Variants in THSD4 observed in about 807,000 individuals in gnomAD.
THSD4 encodes thrombospondin type-1 domain-containing protein 4.
Under a neutral mutation model 119.0 loss-of-function variants are expected in THSD4, and 69 were observed. The ratio of observed to expected loss-of-function variants is 0.58; its 90% CI spans 0.48 to 0.71. THSD4 has a LOEUF of 0.71. Ranked by LOEUF, THSD4 falls within the 30% of genes least tolerant of loss-of-function variation. The pLI is 0.00. For synonymous variants in THSD4, 524 were observed against 540.4 expected (o/e 0.97, Z 0.42); for missense variants, 1,393 against 1,391.1 (o/e 1.00, Z -0.02).
intron 6 of THSD4, among the ~76,000 whole-genome samples, chr15:71,276,073 A>G (rs1201136300): frequency 1.3e-5 from 2 of 152,164 alleles, no homozygotes; most frequent in Non-Finnish European, 2.9e-5. Context: ...CTGTGAGAAC[A>G]CTCCATGAAT....
At chr15:71,713,071 G>C (rs1216541530) in intron 8 of THSD4, among the ~76,000 whole-genome samples, 6 of 152,188 alleles carry the variant, frequency 3.9e-5, no homozygotes, top group African/African-American at 1.4e-4. Context: ...GGTAGCCCAG[G>C]CTCCTCAAGC....
intron 6 of THSD4, among the ~76,000 whole-genome samples, chr15:71,265,764 G>C (rs952353037): frequency 1.3e-5 from 2 of 152,142 alleles, no homozygotes; most frequent in Non-Finnish European, 2.9e-5. Context: ...CTTGAGCTTT[G>C]TGGGGGGGGA....
intron 8 of THSD4, among the ~76,000 whole-genome samples, chr15:71,722,970 C>T (rs2052750784): frequency 6.6e-6 from 1 of 152,078 alleles, no homozygotes; most frequent in Non-Finnish European, 1.5e-5. Context: ...CCACACACAC[C>T]GACCTAGCTC....
chr15:71,508,182 A>C (rs1369797448), intron 7 of THSD4, among the ~76,000 whole-genome samples: 2 of 152,152 alleles, frequency 1.3e-5, no homozygotes, highest in Non-Finnish European at 2.9e-5. Flanking sequence ...AGGAGTTTGC[A>C]CCAGAGCCCA....
intron 5 of THSD4, among the ~76,000 whole-genome samples, chr15:71,254,516 T>G (rs1049474282): frequency 6.6e-6 from 1 of 152,204 alleles, no homozygotes; most frequent in African/African-American, 2.4e-5. Flanking sequence ...CATATATTCC[T>G]GGGCTCTCAT....
intron 3 of THSD4, among the ~76,000 whole-genome samples, chr15:71,195,860 CAT>C (rs2043714966): frequency 6.6e-6 from 1 of 152,170 alleles, no homozygotes. Flanking sequence ...TGATATCTGT[CAT>C]ATTCAATAAC....
At chr15:71,151,296 A>G (rs1243445638) in intron 2 of THSD4, among the ~76,000 whole-genome samples, 1 of 152,126 alleles carries the variant, frequency 6.6e-6, no homozygotes, top group Non-Finnish European at 1.5e-5. Flanking sequence ...TGATTATCCA[A>G]AACTGCTCCT....
intron 7 of THSD4, among the ~76,000 whole-genome samples, chr15:71,529,361 T>C (rs1179443954): frequency 1.3e-5 from 2 of 152,254 alleles, no homozygotes; most frequent in East Asian, 3.8e-4. Context: ...TCCCCTTTTA[T>C]GATAGCACTG....
intron 7 of THSD4, among the ~76,000 whole-genome samples, chr15:71,618,610 G>A (rs1199044166): frequency 6.6e-6 from 1 of 152,218 alleles, no homozygotes; most frequent in African/African-American, 2.4e-5. Flanking sequence ...GTCTCACTCT[G>A]TCACCCAGGC....
intron 7 of THSD4, among the ~76,000 whole-genome samples, chr15:71,582,900 T>G (rs1315927456): frequency 6.6e-6 from 1 of 152,140 alleles, no homozygotes; most frequent in Non-Finnish European, 1.5e-5. Context: ...TGTTGAGGAT[T>G]TTTGCATCTG....
intron 17 of THSD4, among the ~76,000 whole-genome samples, chr15:71,772,352 C>A (rs1253441743): frequency 6.6e-6 from 1 of 152,004 alleles, no homozygotes; most frequent in Non-Finnish European, 1.5e-5. Flanking sequence ...ATGGGGATGA[C>A]CATTCCCAGT....
At position 71,737,607 on chromosome 15, in the gene THSD4, G is replaced by A. The variant is rs1056923461; in HGVS notation, c.1631-125G>A. 6.3e-5 allele frequency: 83 copies of A among 1,317,304 alleles called. No homozygotes were observed. The South Asian group carries it at 6.5e-4, about 10-fold the overall frequency. 81.6% of individuals were successfully genotyped at this position (1,317,304 alleles called of 1,614,324 possible). A position where few individuals can be genotyped will look rare whatever the true frequency, so the allele number is the denominator to read the frequency against. The stretch of plus-strand genomic sequence containing the variant: ...GTGTCTGCTTATTTTAAACAGATGT[G>A]CTTATGTGCTGTGACTTAGAAACGA... On this transcript the variant is annotated intron_variant, in intron 10 of 17. Transcript: ENST00000261862.
chr15:71,421,692 C>G (rs1039875231), intron 7 of THSD4, among the ~76,000 whole-genome samples: 1 of 152,106 alleles, frequency 6.6e-6, no homozygotes, highest in Non-Finnish European at 1.5e-5. Flanking sequence ...CCTTCTTGTA[C>G]TTAAATATTG....
At chr15:71,737,057 A>G (rs1346070852) in intron 10 of THSD4, among the ~76,000 whole-genome samples, 1 of 152,256 alleles carries the variant, frequency 6.6e-6, no homozygotes, top group Non-Finnish European at 1.5e-5. Flanking sequence ...CTCACATAGT[A>G]TTCCATTTTG....
rs557499075 is a variant in THSD4, at chr15:71,437,143, A to T, written c.1152+25320A>T. Among the ~76,000 whole-genome samples, 18 of 152,320 alleles carry T rather than the reference A, an allele frequency of 1.2e-4. No individual in the cohort carries two copies. The East Asian group carries it at 3.5e-3, about 29-fold the overall frequency. On this transcript the variant is annotated intron_variant, in intron 7 of 17. Transcript: ENST00000261862. ...GGTGAAGTGGGAGCAGGCACATCACATAGCAAGAGCAGCAGCGAGAGAGAA... is the reference window on the plus strand; with the variant it reads ...GGTGAAGTGGGAGCAGGCACATCACTTAGCAAGAGCAGCAGCGAGAGAGAA...
At chr15:71,310,306 T>C (rs1384751414) in intron 6 of THSD4, among the ~76,000 whole-genome samples, 1 of 152,198 alleles carries the variant, frequency 6.6e-6, no homozygotes, top group Admixed American at 6.5e-5. Flanking sequence ...TGTAAATGTC[T>C]CTGTGGGGGC....
In THSD4 at chr15:71,414,286, A is replaced by C. The variant is rs72743814; in HGVS notation, c.1152+2463A>C. 8.5e-3 allele frequency among the ~76,000 whole-genome samples: 1,297 copies of C among 152,344 alleles called. 18 individuals carry two copies. Among genetic ancestry groups the C allele is most frequent in the Middle Eastern group, 0.02 (6 of 294 alleles). The stretch of plus-strand genomic sequence containing the variant: ...AGTATCACTGCATATACCTACATAT[A>C]TACCATTGTACTTGGATTTTCTATG... On this transcript the variant is annotated intron_variant, in intron 7 of 17. Transcript: ENST00000261862.
At chr15:71,564,522 C>T (rs947526339) in intron 7 of THSD4, among the ~76,000 whole-genome samples, 2 of 150,648 alleles carry the variant, frequency 1.3e-5, no homozygotes, top group Non-Finnish European at 3.0e-5. Flanking sequence ...GGCAGGAAGT[C>T]TGTAGAAGTT....
upstream of THSD4, chr15:71,114,830 G>C (rs2040340666): frequency 6.6e-6 from 1 of 152,182 alleles, no homozygotes; most frequent in African/African-American, 2.4e-5. Flanking sequence ...GTCAGGGTGT[G>C]TGTGTCTCCT....
Sources: allele counts gnomAD v4.1 joint callset (sites outside exome capture counted in the v4.1 genomes callset), GRCh38; gene constraint gnomAD v4.1.1; transcripts MANE v1.5; gene names NCBI Gene and HGNC (gene_info 2026-07-23, HGNC 2026-07-21).